Variants in PIK3C2G observed in about 807,000 individuals in gnomAD.
PIK3C2G encodes phosphatidylinositol-4-phosphate 3-kinase catalytic subunit type 2 gamma.
Under a neutral mutation model 181.1 loss-of-function variants are expected in PIK3C2G, and 168 were observed. The observed-to-expected ratio is 0.93, with a 90% CI of 0.82 to 1.05. PIK3C2G has a LOEUF of 1.05. PIK3C2G is among the 50% of genes least tolerant of loss of function. The probability of loss-of-function intolerance (pLI) is 0.00; values close to 1 mark genes in which losing one functional copy is unlikely to be tolerated. For missense variants in PIK3C2G, 1,869 were observed against 1,732.8 expected, an observed-to-expected ratio of 1.08 and a Z score of -1.40; for synonymous variants, 573 against 592.2, an observed-to-expected ratio of 0.97 and a Z score of 0.47.
chr12:18,642,386 T>G (rs1397412683), intron 32 of PIK3C2G, among the ~76,000 whole-genome samples: 1 of 152,184 alleles, frequency 6.6e-6, no homozygotes, highest in Non-Finnish European at 1.5e-5. Context: ...TCCACTGAAT[T>G]TCTTTTGCAC....
the PIK3C2G span, among the ~76,000 whole-genome samples, chr12:18,725,571 C>G: frequency 2.0e-5 from 3 of 151,990 alleles, no homozygotes; most frequent in Admixed American, 6.6e-5. Context: ...ATCTCAACTC[C>G]CTCTTAAAGT....
At chr12:18,391,004 C>T in intron 14 of PIK3C2G, 118 bp from the exon 15 acceptor site, 1 of 641,374 alleles carries the variant, frequency 1.6e-6, no homozygotes, top group Non-Finnish European at 2.3e-6. Context: ...ATAAATAGCA[C>T]AGAAAAAATA....
chr12:18,264,697 T>C (rs1239360580), intron 1 of PIK3C2G, among the ~76,000 whole-genome samples: 1 of 152,140 alleles, frequency 6.6e-6, no homozygotes, highest in Non-Finnish European at 1.5e-5. Context: ...ATATTGTATG[T>C]GAGAACAAAA....
chr12:18,309,623 G>C (rs1032175976), intron 5 of PIK3C2G, among the ~76,000 whole-genome samples: 10 of 151,800 alleles, frequency 6.6e-5, no homozygotes, highest in African/African-American at 2.4e-4. Context: ...ATAGTATGCA[G>C]AAGTGCTTTA....
intron 9 of PIK3C2G, among the ~76,000 whole-genome samples, chr12:18,340,112 T>C (rs1422704394): frequency 6.6e-6 from 1 of 152,116 alleles, no homozygotes; most frequent in Non-Finnish European, 1.5e-5. Context: ...AACAACAAGG[T>C]AAAACAATCT....
chr12:18,541,238 TA>T (rs939080960), intron 25 of PIK3C2G, among the ~76,000 whole-genome samples: 1 of 151,934 alleles, frequency 6.6e-6, no homozygotes, highest in African/African-American at 2.4e-5. Context: ...ACTACAGAGT[TA>T]ATGGCTCATC....
chr12:18,633,609 C>T (rs1223314800), intron 31 of PIK3C2G, among the ~76,000 whole-genome samples: 1 of 152,140 alleles, frequency 6.6e-6, no homozygotes, highest in South Asian at 2.1e-4. Flanking sequence ...CTAAGAGTTG[C>T]CCTAAATGAT....
the PIK3C2G span, among the ~76,000 whole-genome samples, chr12:18,698,229 G>C: frequency 8.4e-6 from 1 of 119,336 alleles, no homozygotes. Flanking sequence ...ATTACTGCTT[G>C]CAATACACTT....
At chr12:18,681,026 C>T in the PIK3C2G span, among the ~76,000 whole-genome samples, 3 of 152,006 alleles carry the variant, frequency 2.0e-5, no homozygotes, top group African/African-American at 4.8e-5. Flanking sequence ...CATGTTTTTG[C>T]CGTGCATTCA....
chr12:18,265,807 A>G (rs1472425018), intron 1 of PIK3C2G, among the ~76,000 whole-genome samples: 1 of 151,992 alleles, frequency 6.6e-6, no homozygotes, highest in African/African-American at 2.4e-5. Flanking sequence ...TGAGGTCAGG[A>G]GTTTGAGACC....
chr12:18,621,150 G>C (rs1354847275), intron 31 of PIK3C2G, among the ~76,000 whole-genome samples: 2 of 151,432 alleles, frequency 1.3e-5, no homozygotes, highest in Non-Finnish European at 3.0e-5. Context: ...TCTGGGAATA[G>C]AGGCTGAGTG....
chr12:18,285,005 A>G (rs1410673621), intron 2 of PIK3C2G, among the ~76,000 whole-genome samples: 1 of 152,186 alleles, frequency 6.6e-6, no homozygotes, highest in East Asian at 1.9e-4. Context: ...AAAATATCAA[A>G]TTACAGATCT....
At chr12:18,362,232 G>A (rs2137801570) in intron 11 of PIK3C2G, among the ~76,000 whole-genome samples, 1 of 152,252 alleles carries the variant, frequency 6.6e-6, no homozygotes, top group Middle Eastern at 3.4e-3. Flanking sequence ...GTTTTCAGTG[G>A]CCCCTAAACT....
At chr12:18,643,849 C>T (rs940663440) in intron 32 of PIK3C2G, among the ~76,000 whole-genome samples, 1 of 152,062 alleles carries the variant, frequency 6.6e-6, no homozygotes, top group Non-Finnish European at 1.5e-5. Flanking sequence ...CAACCACTCA[C>T]CACAGCTGGG....
At chr12:18,474,465 A>G (rs1938774086) in intron 18 of PIK3C2G, among the ~76,000 whole-genome samples, 1 of 152,128 alleles carries the variant, frequency 6.6e-6, no homozygotes, top group African/African-American at 2.4e-5. Flanking sequence ...CCCTATTTAT[A>G]CCTTTCCAGA....
chr12:18,710,943 A>C, the PIK3C2G span, among the ~76,000 whole-genome samples: 1 of 152,114 alleles, frequency 6.6e-6, no homozygotes, highest in Non-Finnish European at 1.5e-5. Flanking sequence ...GTTGGACTGT[A>C]AACTAGTTCA....
intron 11 of PIK3C2G, among the ~76,000 whole-genome samples, chr12:18,348,532 T>C (rs1448437384): frequency 6.6e-6 from 1 of 152,142 alleles, no homozygotes; most frequent in Non-Finnish European, 1.5e-5. Flanking sequence ...AAATTAGGGC[T>C]TTGATGAAGG....
chr12:18,713,059 C>T, the PIK3C2G span: 1 of 1,562,094 alleles, frequency 6.4e-7, no homozygotes, highest in Non-Finnish European at 8.8e-7. Flanking sequence ...TTAAAATATT[C>T]CAAAGACCAT....
chr12:18,715,682 T>C, the PIK3C2G span: 1 of 152,258 alleles, frequency 6.6e-6, no homozygotes, highest in African/African-American at 2.4e-5. Context: ...TTGTTGTTTT[T>C]AAGATGGGGT....
Sources: gnomAD v4.1 joint callset for allele counts (sites outside exome capture counted in the v4.1 genomes callset) on GRCh38, gnomAD v4.1.1 for gene constraint, MANE v1.5 for transcripts, NCBI Gene and HGNC (gene_info 2026-07-23, HGNC 2026-07-21) for gene names.